NCOA3: variants seen among roughly 807,000 people sequenced by gnomAD.
The protein encoded by NCOA3 is nuclear receptor coactivator 3.
A neutral mutation model predicts 158.8 loss-of-function variants in NCOA3; 51 were observed. The observed-to-expected ratio is 0.32, with a 90% confidence interval of 0.26 to 0.41. The LOEUF (loss-of-function observed/expected upper bound fraction) is 0.41, where lower values mean the gene tolerates loss of function less well. Among genes scored for constraint, NCOA3 ranks in the 10% least tolerant of loss-of-function variants. The probability of loss-of-function intolerance (pLI) is 1.00; values close to 1 mark genes in which losing one functional copy is unlikely to be tolerated. For missense variants in NCOA3, 1,510 were observed against 1,746.6 expected (o/e 0.86, Z 2.41); for synonymous variants, 537 against 592.4 (o/e 0.91, Z 1.36).
chr20:47,539,146 C>T (rs2084682357), intron 1 of NCOA3, among the ~76,000 whole-genome samples: 1 of 152,064 alleles, frequency 6.6e-6, no homozygotes, highest in African/African-American at 2.4e-5. Context: ...CTTTTCATTT[C>T]TTGTGCCATA....
At position 47,624,857 on chromosome 20, in the gene NCOA3, C is replaced by T. The variant is rs6125053; in HGVS notation, c.257-524C>T. On this transcript the variant is annotated intron_variant, in intron 4 of 22. Transcript: ENST00000371998. ...GTGTGATCTCAGCTCACCACAACCTCCACCTCTTGGGTTCAAGAGATTCTC... is the reference window on the plus strand; with the variant it reads ...GTGTGATCTCAGCTCACCACAACCTTCACCTCTTGGGTTCAAGAGATTCTC... 1.7e-4 allele frequency among the ~76,000 whole-genome samples: 26 copies of T among 152,286 alleles called. 1 individual carries two copies. The East Asian group carries it at 4.8e-3, about 28-fold the overall frequency.
chr20:47,520,699 CA>C (rs975192427), intron 1 of NCOA3, among the ~76,000 whole-genome samples: 2 of 152,082 alleles, frequency 1.3e-5, no homozygotes, highest in African/African-American at 4.8e-5. Context: ...CTCAAACCCT[CA>C]AACTAGGGAG....
chr20:47,598,838 AC>A (rs1378689123), intron 2 of NCOA3, among the ~76,000 whole-genome samples: 56 of 152,376 alleles, frequency 3.7e-4, no homozygotes, highest in Non-Finnish European at 7.3e-5. Context: ...GCAATGAAGT[AC>A]AGTCATGTAG....
intron 1 of NCOA3, among the ~76,000 whole-genome samples, chr20:47,536,766 C>T (rs1048423355): frequency 1.3e-5 from 2 of 151,354 alleles, no homozygotes; most frequent in African/African-American, 2.4e-5. Flanking sequence ...GCTGGGATTA[C>T]AGGTATGAAG....
chr20:47,618,449 G>C (rs2086179720), intron 2 of NCOA3, among the ~76,000 whole-genome samples: 1 of 147,044 alleles, frequency 6.8e-6, no homozygotes, highest in South Asian at 2.2e-4. Context: ...CCATCTCCCA[G>C]GTTCAAGCAA....
intron 12 of NCOA3, 149 bp downstream of exon 12, chr20:47,636,911 AATT>A (rs1215448034): frequency 1.4e-6 from 1 of 739,982 alleles, no homozygotes; most frequent in Non-Finnish European, 2.1e-6. Flanking sequence ...ATGTCAGTAA[AATT>A]ATGATGTAAT....
intron 1 of NCOA3, among the ~76,000 whole-genome samples, chr20:47,549,398 TAA>T (rs199592142): frequency 6.7e-6 from 1 of 150,148 alleles, no homozygotes; most frequent in Non-Finnish European, 1.5e-5. Context: ...ATGATGTGGT[TAA>T]AAAAAAATTT....
intron 2 of NCOA3, among the ~76,000 whole-genome samples, chr20:47,615,495 C>T (rs1394407709): frequency 6.6e-6 from 1 of 152,104 alleles, no homozygotes; most frequent in East Asian, 1.9e-4. Flanking sequence ...TGTCTTAATC[C>T]CAAATAACCA....
chr20:47,584,663 T>C (rs2085506675), intron 2 of NCOA3, among the ~76,000 whole-genome samples: 2 of 151,750 alleles, frequency 1.3e-5, no homozygotes, highest in Admixed American at 1.3e-4. Flanking sequence ...ATATACATAT[T>C]ATTCATTAAG....
intron 18 of NCOA3, among the ~76,000 whole-genome samples, chr20:47,648,432 T>C (rs1402659253): frequency 6.6e-6 from 1 of 152,152 alleles, no homozygotes; most frequent in Admixed American, 6.5e-5. Context: ...AGCCTGACTA[T>C]AAATCTTTTG....
At chr20:47,546,566 T>C (rs2084832532) in intron 1 of NCOA3, among the ~76,000 whole-genome samples, 1 of 151,012 alleles carries the variant, frequency 6.6e-6, no homozygotes, top group Non-Finnish European at 1.5e-5. Flanking sequence ...AATTTCCCTC[T>C]TGTTGCCTAG....
intron 8 of NCOA3, among the ~76,000 whole-genome samples, chr20:47,632,373 T>C (rs1410192605): frequency 6.7e-6 from 1 of 149,438 alleles, no homozygotes; most frequent in Non-Finnish European, 1.5e-5. Context: ...AAATCTCTTG[T>C]TCAAGAGGTT....
chr20:47,632,388 T>G (rs1353114340), intron 8 of NCOA3, among the ~76,000 whole-genome samples: 3 of 151,680 alleles, frequency 2.0e-5, no homozygotes, highest in East Asian at 3.9e-4. Flanking sequence ...GAGGTTTTTT[T>G]TTTTTTTTTT....
At chr20:47,638,720 G>C (rs2086556356) in intron 13 of NCOA3, among the ~76,000 whole-genome samples, 1 of 151,430 alleles carries the variant, frequency 6.6e-6, no homozygotes, top group African/African-American at 2.4e-5. Context: ...GAAGCGCAGA[G>C]TATCAGTGAC....
intron 1 of NCOA3, among the ~76,000 whole-genome samples, chr20:47,535,200 ACTT>A (rs1347780825): frequency 1.3e-5 from 2 of 152,116 alleles, no homozygotes; most frequent in Non-Finnish European, 2.9e-5. Flanking sequence ...AGCTAGGCTC[ACTT>A]CTTCCGTGCC....
Position 47,634,115 on chromosome 20 carries a change from T to C in NCOA3, c.1032T>C (p.Thr344=). The change falls in exon 10 of 23, where the codon ACT becomes ACC. Residue 344 remains threonine (T), a synonymous_variant. Coordinates refer to ENST00000371998, the MANE Select transcript of NCOA3 (RefSeq NM_181659.3). ...RFSLADGTIV[T]AQTKSKLFRN... ...CGTTGGCTGATGGAACTATAGTGAC[T>C]GCACAGACAAAAAGCAAACTCTTCC... 1 of 1,614,196 alleles carries C rather than the reference T, an allele frequency of 6.2e-7. No individual in the cohort carries two copies. Among genetic ancestry groups the C allele is most frequent in the Non-Finnish European group, 8.5e-7 (1 of 1,180,038 alleles).
intron 1 of NCOA3, among the ~76,000 whole-genome samples, chr20:47,549,435 C>G (rs1370078814): frequency 6.6e-6 from 1 of 151,588 alleles, no homozygotes; most frequent in Non-Finnish European, 1.5e-5. Flanking sequence ...TGACAGGTAC[C>G]TGCGGTCCCA....
At position 47,518,260 on chromosome 20, in the gene NCOA3, C is replaced by T. The variant is rs562839232; in HGVS notation, c.-99+16241C>T. On this transcript the variant is annotated intron_variant, in intron 1 of 22. Coordinates refer to ENST00000371998, the MANE Select transcript of NCOA3 (RefSeq NM_181659.3). ...ACTCAGGAGACTGAGGTGGGAGGAT[C>T]GCTTAAGTCCAGGAGTTCCAGGCTG... 2.0e-3 allele frequency among the ~76,000 whole-genome samples: 300 copies of T among 151,678 alleles called. 1 individual carries two copies. The highest frequency in any genetic ancestry group is 6.8e-3 in the African/African-American group (282 of 41,354).
chr20:47,543,388 C>G (rs1269312352), intron 1 of NCOA3, among the ~76,000 whole-genome samples: 2 of 152,162 alleles, frequency 1.3e-5, no homozygotes, highest in Non-Finnish European at 2.9e-5. Context: ...GTGCTGGCTA[C>G]TACAGTGAGA....
Sources: allele counts gnomAD v4.1 joint callset (sites outside exome capture counted in the v4.1 genomes callset), GRCh38; gene constraint gnomAD v4.1.1; transcripts MANE v1.5; gene names NCBI Gene and HGNC (gene_info 2026-07-23, HGNC 2026-07-21).